The following MANBA variants were observed in gnomAD, a reference collection of about 807,000 sequenced individuals.
The protein encoded by MANBA is mannosidase beta.
A neutral mutation model predicts 111.1 loss-of-function variants in MANBA; 83 were observed. That is an observed-to-expected ratio of 0.75 (90% CI 0.63 to 0.90). MANBA has a LOEUF of 0.90. MANBA is among the 40% of genes least tolerant of loss of function. MANBA has a pLI of 0.00. For missense variants in MANBA, 1,036 were observed against 1,069.0 expected, an observed-to-expected ratio of 0.97 and a Z score of 0.43; for synonymous variants, 370 against 378.7, an observed-to-expected ratio of 0.98 and a Z score of 0.27.
rs1019996425 is a variant in MANBA at position 102,647,889 on chromosome 4, G to C, written c.1869+2648C>G. Among the ~76,000 whole-genome samples the C allele has an allele frequency of 2.6e-5, 4 of 152,094 alleles. No homozygotes were observed. In the East Asian group the frequency reaches 7.7e-4, roughly 29 times the overall value. ...TTCATACAGGAGAAAACTGATGAAG[G>C]TGTGAGCATGAGTTTGGATTAAAAT... is the stretch of plus-strand genomic sequence containing the variant. On this transcript the variant is annotated intron_variant, in intron 13 of 16. Coordinates refer to ENST00000647097, the MANE Select transcript of MANBA (RefSeq NM_005908.4).
At chr4:102,672,011 A>G in intron 8 of MANBA, 2 of 399,130 alleles carry the variant, frequency 5.0e-6, no homozygotes, top group Non-Finnish European at 4.4e-6. Context: ...AGGCTTACCA[A>G]TTGGCCCAGT....
At chr4:102,729,238 C>T (rs1486890304) in intron 1 of MANBA, 4 of 742,166 alleles carry the variant, frequency 5.4e-6, no homozygotes, top group Middle Eastern at 3.4e-4. Flanking sequence ...GCTGATGTTC[C>T]GGTTCATCTC....
At chr4:102,669,284 T>C (rs769963491) in intron 9 of MANBA, among the ~76,000 whole-genome samples, 1 of 152,084 alleles carries the variant, frequency 6.6e-6, no homozygotes, top group Non-Finnish European at 1.5e-5. Context: ...TAGGCAGGTA[T>C]AGAAGAAAGA....
At chr4:102,723,738 C>A in intron 3 of MANBA, 124 bp downstream of exon 3, 1 of 639,126 alleles carries the variant, frequency 1.6e-6, no homozygotes, top group South Asian at 1.9e-5. Flanking sequence ...AGTAACTCAT[C>A]CAGTGCTTTA....
At chr4:102,752,042 T>G in intron 1 of MANBA, 1 of 752,486 alleles carries the variant, frequency 1.3e-6, no homozygotes, top group Non-Finnish European at 2.5e-6. Flanking sequence ...ATGCTAAAGA[T>G]CTGGTCTACA....
chr4:102,664,569 A>G, intron 11 of MANBA, 116 bp downstream of exon 11: 1 of 876,224 alleles, frequency 1.1e-6, no homozygotes, highest in Non-Finnish European at 1.9e-6. Flanking sequence ...CGATCTCCTG[A>G]CCTTGTGATC....
rs1732389600 is a variant in MANBA at position 102,689,700 on chromosome 4, A to G, written c.850-16T>C. On this transcript the variant is annotated splice_polypyrimidine_tract_variant and intron_variant, in intron 6 of 16. Coordinates refer to ENST00000647097, the MANE Select transcript of MANBA (RefSeq NM_005908.4). ...CAGTAATATTCTTTTAAGAAAATTT[A>G]AAAGTCACTCTAATATGTCATATTT... 7.0e-7 allele frequency: 1 copy of G among 1,435,352 alleles called. No homozygotes were observed. The highest frequency in any genetic ancestry group is 1.7e-5 in the Admixed American group (1 of 59,674). 88.9% of individuals were successfully genotyped at this position (1,435,352 alleles called of 1,614,324 possible). A position where few individuals can be genotyped will look rare whatever the true frequency, so the allele number is the denominator to read the frequency against.
chr4:102,636,075 C>T, intron 14 of MANBA, 68 bp from the exon 15 acceptor site: 1 of 1,431,158 alleles, frequency 7.0e-7, no homozygotes, highest in Non-Finnish European at 9.8e-7. Context: ...TCCAATGGCC[C>T]AGCTGTTTGT....
chr4:102,682,957 G>A (rs576712744), intron 7 of MANBA: 30 of 152,208 alleles, frequency 2.0e-4, no homozygotes, highest in Middle Eastern at 3.4e-3. Context: ...TAATACAGAA[G>A]GAGACACACT....
intron 1 of MANBA, chr4:102,729,612 G>C: frequency 1.0e-6 from 1 of 965,046 alleles, no homozygotes. Flanking sequence ...CTCCACCTCT[G>C]TACACTTATT....
At chr4:102,687,268 C>T (rs1378858415) in intron 7 of MANBA, among the ~76,000 whole-genome samples, 1 of 152,062 alleles carries the variant, frequency 6.6e-6, no homozygotes, top group East Asian at 1.9e-4. Flanking sequence ...CATTTTTTGT[C>T]TGAATCACCA....
intron 5 of MANBA, among the ~76,000 whole-genome samples, chr4:102,706,330 A>T (rs1733294516): frequency 6.6e-6 from 1 of 152,236 alleles, no homozygotes; most frequent in African/African-American, 2.4e-5. Flanking sequence ...CACTGAGGAA[A>T]TCACAAACAC....
At chr4:102,703,457 G>A (rs769617167) in intron 5 of MANBA, among the ~76,000 whole-genome samples, 1 of 152,178 alleles carries the variant, frequency 6.6e-6, no homozygotes. Context: ...GCCTGGGGAC[G>A]AGTCTGCCTT....
intron 13 of MANBA, among the ~76,000 whole-genome samples, chr4:102,646,904 A>T (rs1198085247): frequency 6.6e-6 from 1 of 152,052 alleles, no homozygotes; most frequent in African/African-American, 2.4e-5. Context: ...AACGTGAAGA[A>T]ATTTACTGGA....
chr4:102,739,413 C>CA (rs1400500746), intron 1 of MANBA, among the ~76,000 whole-genome samples: 2 of 152,054 alleles, frequency 1.3e-5, no homozygotes, highest in Non-Finnish European at 2.9e-5. Flanking sequence ...GAAAATACTC[C>CA]AAAAAATAGA....
intron 5 of MANBA, among the ~76,000 whole-genome samples, chr4:102,709,271 A>G (rs371845271): frequency 1.1e-5 from 1 of 88,672 alleles, no homozygotes; most frequent in Non-Finnish European, 2.3e-5. Flanking sequence ...GAGAGAGAGA[A>G]AGAAAAGAAA....
intron 13 of MANBA, among the ~76,000 whole-genome samples, chr4:102,641,399 A>G (rs1729872647): frequency 6.6e-6 from 1 of 152,234 alleles, no homozygotes; most frequent in South Asian, 2.1e-4. Context: ...TTTGAACTAA[A>G]GGGTGATGTG....
chr4:102,756,266 C>T (rs1724011981), intron 1 of MANBA, among the ~76,000 whole-genome samples: 1 of 152,178 alleles, frequency 6.6e-6, no homozygotes, highest in Non-Finnish European at 1.5e-5. Flanking sequence ...AAATGTGGCA[C>T]ATATACACCA....
chr4:102,693,045 G>A (rs151105428), intron 5 of MANBA, among the ~76,000 whole-genome samples: 585 of 152,204 alleles, frequency 3.8e-3, no homozygotes, highest in Non-Finnish European at 5.9e-3. Flanking sequence ...AATTAATCCT[G>A]GACTTAAGAA....
Sources: allele counts gnomAD v4.1 joint callset (sites outside exome capture counted in the v4.1 genomes callset), GRCh38; gene constraint gnomAD v4.1.1; transcripts MANE v1.5; gene names NCBI Gene and HGNC (gene_info 2026-07-23, HGNC 2026-07-21).